Variants in PTPRQ observed in about 807,000 individuals in gnomAD.
PTPRQ encodes phosphatidylinositol phosphatase PTPRQ.
PTPRQ carries 199 observed loss-of-function variants against 246.0 expected under a neutral mutation model. That is an observed-to-expected ratio of 0.81 (90% confidence interval 0.72 to 0.91). PTPRQ has a LOEUF of 0.91. Ranked by LOEUF, PTPRQ falls within the 40% of genes least tolerant of loss-of-function variation. PTPRQ has a pLI of 0.00. For synonymous variants in PTPRQ, 869 were observed against 853.2 expected (o/e 1.02, Z -0.32); for missense variants, 2,624 against 2,528.4 (o/e 1.04, Z -0.81).
intron 14 of PTPRQ, among the ~76,000 whole-genome samples, chr12:80,498,785 G>A (rs1894706099): frequency 6.6e-6 from 1 of 152,002 alleles, no homozygotes; most frequent in Non-Finnish European, 1.5e-5. Flanking sequence ...TGCTTATCAA[G>A]TATTTCGTTT....
intron 17 of PTPRQ, among the ~76,000 whole-genome samples, chr12:80,527,753 AG>A (rs1274018430): frequency 6.6e-6 from 1 of 152,126 alleles, no homozygotes; most frequent in African/African-American, 2.4e-5. Context: ...TGGGAGGCCA[AG>A]GTGGGCAGAT....
At chr12:80,591,219 G>A (rs1374531044) in intron 26 of PTPRQ, among the ~76,000 whole-genome samples, 1 of 145,274 alleles carries the variant, frequency 6.9e-6, no homozygotes, top group Non-Finnish European at 1.5e-5. Flanking sequence ...TCGACCTCCT[G>A]GGCTCAAGTA....
chr12:80,539,789 A>G lies in PTPRQ; in HGVS notation c.2999A>G (p.His1000Arg), dbSNP rs1213540066. ...TTTATTTTTCAGAATTTTACACTCC[A>G]TGAAGTAACCAATGACTTTGACAAT... ...SGTFMQNFTLHEVTNDFDNMT... is the reference protein window; with the variant it reads ...SGTFMQNFTLREVTNDFDNMT... The change falls in exon 20 of 45, where the codon CAT (histidine) becomes CGT (arginine). Residue 1000 changes from histidine (H) to arginine (R), a missense_variant. By Grantham distance (29) the His-to-Arg change is conservative. Transcript: ENST00000644991. 2.1e-5 allele frequency: 33 copies of G among 1,544,450 alleles called. No individual in the cohort carries two copies. The highest frequency in any genetic ancestry group is 6.9e-5 in the African/African-American group (5 of 72,758).
chr12:80,454,678 G>A, intron 3 of PTPRQ: 1 of 575,092 alleles, frequency 1.7e-6, no homozygotes, highest in Non-Finnish European at 3.1e-6. Context: ...TATCATGAAG[G>A]GATATTGGAT....
Position 80,490,469 on chromosome 12 carries a change from C to A in PTPRQ, c.1360-2806C>A, listed in dbSNP as rs556853729. 7.4e-4 allele frequency among the ~76,000 whole-genome samples: 112 copies of A among 152,040 alleles called. 2 individuals are homozygous for A. In the South Asian group the frequency reaches 0.023, roughly 31 times the overall value. ...GACTCCTAATTCTTTCACATAAATT[C>A]CAAGAATTCCTGGGCAGCATAGGCA... On this transcript the variant is annotated intron_variant, in intron 9 of 44. Coordinates refer to ENST00000644991, the MANE Select transcript of PTPRQ (RefSeq NM_001145026.2).
intron 35 of PTPRQ, among the ~76,000 whole-genome samples, chr12:80,640,459 A>G (rs1288015525): frequency 6.6e-6 from 1 of 152,252 alleles, no homozygotes; most frequent in Non-Finnish European, 1.5e-5. Flanking sequence ...TCGGAATACA[A>G]GAAATGTTCT....
intron 9 of PTPRQ, among the ~76,000 whole-genome samples, chr12:80,486,973 GA>G (rs1398414808): frequency 6.6e-6 from 1 of 152,104 alleles, no homozygotes. Flanking sequence ...AATTAAAAAT[GA>G]AAGTTCAAAA....
chr12:80,643,960 A>G (rs1174784003), intron 35 of PTPRQ, among the ~76,000 whole-genome samples: 3 of 152,206 alleles, frequency 2.0e-5, no homozygotes, highest in African/African-American at 7.2e-5. Context: ...ACTTAACATC[A>G]CTGGTTAAGT....
At chr12:80,586,997 G>A (rs949807859) in intron 25 of PTPRQ, among the ~76,000 whole-genome samples, 18 of 152,092 alleles carry the variant, frequency 1.2e-4, no homozygotes, top group Admixed American at 1.1e-3. Context: ...TCCGTGGAAG[G>A]TCTGGGAGCC....
intron 14 of PTPRQ, among the ~76,000 whole-genome samples, chr12:80,505,181 CA>C (rs1405055722): frequency 7.9e-5 from 12 of 151,872 alleles, no homozygotes; most frequent in African/African-American, 2.9e-4. Flanking sequence ...CAGGATTAAC[CA>C]ATCTATGGCA....
In PTPRQ at chr12:80,496,077, A is replaced by G. The variant is rs1437846989; in HGVS notation, c.1961A>G (p.Asn654Ser). Residue 654 changes from asparagine (N) to serine (S), a missense_variant, in exon 13 of 45, where the codon AAT becomes AGT. Transcript: ENST00000644991. Reference protein sequence around the residue: ...HVGESSLSEENDIFVRTSEDE... With the variant: ...HVGESSLSEESDIFVRTSEDE... Reference sequence around the variant, plus strand: ...GGAGAAAGTTCTTTGTCTGAAGAAAATGACATCTTTGTGAGAACTTCAGAA... The same window carrying G: ...GGAGAAAGTTCTTTGTCTGAAGAAAGTGACATCTTTGTGAGAACTTCAGAA... 1.1e-5 allele frequency: 17 copies of G among 1,548,974 alleles called. 1 individual carries two copies. The highest frequency in any genetic ancestry group is 4.0e-5 in the Admixed American group (2 of 50,530).
intron 27 of PTPRQ, among the ~76,000 whole-genome samples, chr12:80,606,337 A>G (rs1211771061): frequency 6.6e-6 from 1 of 151,044 alleles, no homozygotes; most frequent in Non-Finnish European, 1.5e-5. Context: ...AAGTAAGATG[A>G]CAACCTAAGG....
At position 80,678,615 on chromosome 12, in the gene PTPRQ, T is replaced by G. The variant is rs978777883; in HGVS notation, c.6752T>G (p.Phe2251Cys). Residue 2251 changes from phenylalanine (F) to cysteine (C), a missense_variant, in exon 44 of 45, where the codon TTT becomes TGT. By Grantham distance (205) the Phe-to-Cys change is radical. Coordinates refer to ENST00000644991, the MANE Select transcript of PTPRQ (RefSeq NM_001145026.2). The stretch of plus-strand genomic sequence containing the variant: ...TTTGGTGTCTAGGCACAGTATATCT[T>G]TTTACACCAGTGCATTCTGGATCTC... ...CMVQNLAQYI[F>C]LHQCILDLLS... is the part of the protein sequence containing the mutation. 3.2e-6 allele frequency: 5 copies of G among 1,549,668 alleles called. No individual in the cohort carries two copies. In the East Asian group the frequency reaches 9.8e-5, roughly 30 times the overall value.
At chr12:80,593,395 A>T (rs983874057) in intron 26 of PTPRQ, among the ~76,000 whole-genome samples, 4 of 152,202 alleles carry the variant, frequency 2.6e-5, no homozygotes, top group Non-Finnish European at 5.9e-5. Context: ...AAAATTGAAG[A>T]TCAGGAAGAA....
At chr12:80,484,930 G>T (rs894700437) in intron 9 of PTPRQ, among the ~76,000 whole-genome samples, 6 of 152,086 alleles carry the variant, frequency 3.9e-5, no homozygotes, top group Non-Finnish European at 8.8e-5. Context: ...TGATTTAAGT[G>T]CTCCTTCAAA....
At chr12:80,483,987 TTTTGTTTGTTTGTTTG>T (rs71094983) in intron 8 of PTPRQ, among the ~76,000 whole-genome samples, 4 of 149,222 alleles carry the variant, frequency 2.7e-5, no homozygotes, top group African/African-American at 9.9e-5. Flanking sequence ...CTTTCTTGTT[TTTTGTTTGTTTGTTTG>T]TTTGTTTGTT....
chr12:80,454,576 T>G (rs1228272601), intron 3 of PTPRQ: 1 of 702,376 alleles, frequency 1.4e-6, no homozygotes, highest in South Asian at 1.5e-5. Flanking sequence ...TAAACTTTTC[T>G]CCGTTTAGGA....
intron 9 of PTPRQ, among the ~76,000 whole-genome samples, chr12:80,491,262 A>G (rs1894441510): frequency 6.6e-6 from 1 of 151,996 alleles, no homozygotes; most frequent in Non-Finnish European, 1.5e-5. Context: ...ACCTCACTAT[A>G]GTTCATTCTA....
Position 80,450,685 on chromosome 12 carries a change from G to C in PTPRQ, c.390+4968G>C, listed in dbSNP as rs185317188. 3.6e-4 allele frequency among the ~76,000 whole-genome samples: 55 copies of C among 152,234 alleles called. 1 individual carries two copies. The East Asian group carries it at 9.8e-3, about 27-fold the overall frequency. Reference sequence around the variant, plus strand: ...GTTTATGTGCTAGATTACATTTATTGATTTGTGTATATTGAACCAGCCTTG... The same window carrying C: ...GTTTATGTGCTAGATTACATTTATTCATTTGTGTATATTGAACCAGCCTTG... On this transcript the variant is annotated intron_variant, in intron 3 of 44. Coordinates refer to ENST00000644991, the MANE Select transcript of PTPRQ (RefSeq NM_001145026.2).
Sources: allele counts gnomAD v4.1 joint callset (sites outside exome capture counted in the v4.1 genomes callset), GRCh38; gene constraint gnomAD v4.1.1; transcripts MANE v1.5; gene names NCBI Gene and HGNC (gene_info 2026-07-23, HGNC 2026-07-21).